The following CABP5 variants were observed in gnomAD, a reference collection of about 807,000 sequenced individuals.
CABP5 encodes calcium binding protein 5.
CABP5 carries 17 observed loss-of-function variants against 21.9 expected under a neutral mutation model. The ratio of observed to expected loss-of-function variants is 0.78; its 90% CI spans 0.53 to 1.17. The LOEUF is 1.17. CABP5 is among the 50% of genes most tolerant of loss of function. The pLI is 0.00. For missense variants in CABP5, 229 were observed against 228.9 expected (o/e 1.00, Z 0.00); for synonymous variants, 85 against 79.4 (o/e 1.07, Z -0.37).
intron 5 of CABP5, among the ~76,000 whole-genome samples, chr19:48,031,933 T>C (rs1352067088): frequency 6.6e-6 from 1 of 150,404 alleles, no homozygotes; most frequent in Non-Finnish European, 1.5e-5. Flanking sequence ...ACAGCATATA[T>C]GGTTTAGAGA....
chr19:48,035,042 C>T (rs1272816914), intron 4 of CABP5, among the ~76,000 whole-genome samples: 1 of 152,060 alleles, frequency 6.6e-6, no homozygotes, highest in East Asian at 1.9e-4. Context: ...TATAGTTATC[C>T]TGCTGTGCAA....
At chr19:48,039,907 G>C in intron 3 of CABP5, among the ~76,000 whole-genome samples, 1 of 151,732 alleles carries the variant, frequency 6.6e-6, no homozygotes, top group East Asian at 1.9e-4. Context: ...TAGAGACGGG[G>C]TGTCACCATG....
In CABP5 at chr19:48,029,798, C is replaced by CAGAGAGAGAGAGAGAT. The variant is rs1555737197; in HGVS notation, c.*758_*759insATCTCTCTCTCTCTCT. Among the ~76,000 whole-genome samples the CAGAGAGAGAGAGAGAT allele has an allele frequency of 1.7e-5, 2 of 120,150 alleles. No homozygotes were observed. Among genetic ancestry groups the CAGAGAGAGAGAGAGAT allele is most frequent in the Non-Finnish European group, 3.4e-5 (2 of 57,974 alleles). The allele number at this position is 120,150 out of a possible 152,430, so 78.8% of individuals were successfully genotyped here. Reference sequence around the variant, plus strand: ...GGGAGGGGAGACAGAGACAGACAGACAGAGAGAGAGAGAGAGAGAGAGAGA... The same window carrying CAGAGAGAGAGAGAGAT: ...GGGAGGGGAGACAGAGACAGACAGACAGAGAGAGAGAGAGATAGAGAGAGAGAGAGAGAGAGAGAGA... On this transcript the variant is annotated 3_prime_UTR_variant, in exon 6 of 6. Coordinates refer to ENST00000293255, the MANE Select transcript of CABP5 (RefSeq NM_019855.5).
Position 48,040,646 on chromosome 19 carries a change from T to C in CABP5, c.197A>G (p.Glu66Gly). Residue 66 changes from glutamate to glycine, a missense_variant, in exon 3 of 6, where the codon GAG becomes GGG. Physicochemically the swap from Glu to Gly is moderately conservative, Grantham distance 98. Transcript: ENST00000293255. The part of the protein sequence containing the change: ...LMRTMGYMPT[E>G]MELIELGQQI... The stretch of plus-strand genomic sequence containing the variant: ...CTGGCCGAGCTCAATCAGTTCCATC[T>C]CCGTGGGCATGTAACCCATCGTCCT... 1 of 1,613,904 alleles carries C rather than the reference T, an allele frequency of 6.2e-7. No individual in the cohort carries two copies. The highest frequency in any genetic ancestry group is 8.5e-7 in the Non-Finnish European group (1 of 1,179,924).
Position 48,034,265 on chromosome 19 carries a change from T to C in CABP5, c.446A>G (p.Glu149Gly). 1 of 1,607,278 alleles carries C rather than the reference T, an allele frequency of 6.2e-7. No individual in the cohort carries two copies. The highest frequency in any genetic ancestry group is 8.5e-7 in the Non-Finnish European group (1 of 1,177,296). Residue 149 changes from glutamate (E) to glycine (G), a missense_variant, in exon 5 of 6, where the codon GAG becomes GGG. Coordinates refer to ENST00000293255, the MANE Select transcript of CABP5 (RefSeq NM_019855.5). The stretch of plus-strand genomic sequence containing the variant: ...ATTAACATCAGCCTCCCGGACAACC[T>C]CAGAGATCTCCCGGGGGGTGAGCCG... ...GERLTPREIS[E>G]VVREADVNGD...
chr19:48,040,555 C>T (rs551256305), intron 3 of CABP5, 50 bp downstream of exon 3: 16 of 1,604,394 alleles, frequency 1.0e-5, no homozygotes, highest in South Asian at 9.9e-5. Context: ...CCCAATTCTG[C>T]CCTGATCCCT....
In CABP5 at chr19:48,040,648, C is replaced by T. The variant is rs1291070209; in HGVS notation, c.195G>A (p.Thr65=). Residue 65 remains threonine (T), a synonymous_variant, in exon 3 of 6, where the codon ACG becomes ACA. Coordinates refer to ENST00000293255, the MANE Select transcript of CABP5 (RefSeq NM_019855.5). Reference sequence around the variant, plus strand: ...GGCCGAGCTCAATCAGTTCCATCTCCGTGGGCATGTAACCCATCGTCCTCA... The same window carrying T: ...GGCCGAGCTCAATCAGTTCCATCTCTGTGGGCATGTAACCCATCGTCCTCA... ...NLMRTMGYMP[T]EMELIELGQQ... is the part of the protein sequence containing the mutation. The T allele has an allele frequency of 3.1e-6, 5 of 1,613,862 alleles. No homozygotes were observed. In the East Asian group the frequency reaches 8.9e-5, roughly 29 times the overall value.
chr19:48,034,414 C>T lies in CABP5; in HGVS notation c.349-52G>A, dbSNP rs183704722. The T allele has an allele frequency of 4.6e-5, 63 of 1,374,716 alleles. No individual in the cohort carries two copies. In the Middle Eastern group the frequency reaches 1.2e-3, roughly 25 times the overall value. 85.2% of individuals were successfully genotyped at this position (1,374,716 alleles called of 1,614,324 possible). A position where few individuals can be genotyped will look rare whatever the true frequency, so the allele number is the denominator to read the frequency against. On this transcript the variant is annotated intron_variant, in intron 4 of 5. Coordinates refer to ENST00000293255, the MANE Select transcript of CABP5 (RefSeq NM_019855.5). ...TCAGCAATGACAATGATGATAGCCA[C>T]GAGATGATGGAGTTTACCTATCGCT...
Position 48,029,516 on chromosome 19 carries a change from A to C in CABP5, c.*1041T>G, listed in dbSNP as rs1307004114. ...TCGATGTCAGGACGTGAGGGACGGA[A>C]CAGACGACCCATCTAACAGAGACAC... On this transcript the variant is annotated 3_prime_UTR_variant, in exon 6 of 6. Coordinates refer to ENST00000293255, the MANE Select transcript of CABP5 (RefSeq NM_019855.5). 6.6e-6 allele frequency among the ~76,000 whole-genome samples: 1 copy of C among 152,074 alleles called. No individual in the cohort carries two copies. The highest frequency in any genetic ancestry group is 2.4e-5 in the African/African-American group (1 of 41,398).
intron 4 of CABP5, among the ~76,000 whole-genome samples, chr19:48,036,405 A>G (rs1410230572): frequency 6.6e-6 from 1 of 152,164 alleles, no homozygotes; most frequent in Admixed American, 6.5e-5. Context: ...GCATTTAAAT[A>G]TATACCACGC....
At position 48,038,583 on chromosome 19, in the gene CABP5, T is replaced by C. The variant is rs147395846; in HGVS notation, c.348+625A>G. ...GGCTCATGCCTGTAATCCCAGCACT[T>C]TGGGAGACCGAGGCAGGTGGATCAC... On this transcript the variant is annotated intron_variant, in intron 4 of 5. Coordinates refer to ENST00000293255, the MANE Select transcript of CABP5 (RefSeq NM_019855.5). Among the ~76,000 whole-genome samples the C allele has an allele frequency of 1.1e-3, 170 of 152,194 alleles. 1 individual carries two copies. The highest frequency in any genetic ancestry group is 3.9e-3 in the African/African-American group (163 of 41,538).
chr19:48,034,196 C>T lies in CABP5; in HGVS notation c.496+19G>A. The T allele has an allele frequency of 1.3e-6, 2 of 1,527,482 alleles. No individual in the cohort carries two copies. The highest frequency in any genetic ancestry group is 1.4e-5 in the African/African-American group (1 of 71,400). The allele number at this position is 1,527,482 out of a possible 1,614,324, so 94.6% of individuals were successfully genotyped here. A position where few individuals can be genotyped will look rare whatever the true frequency, so the allele number is the denominator to read the frequency against. On this transcript the variant is annotated intron_variant, in intron 5 of 5. Transcript: ENST00000293255. ...TGCGGTGGCTGCCCCCGCTCCCCAC[C>T]ACGCCCCGTCAATGTCACCTTCAAA... is the stretch of plus-strand genomic sequence containing the variant.
rs756797217 is a variant in CABP5, at chr19:48,043,901, C to T, written c.22G>A (p.Ala8Thr). Reference protein sequence around the residue: MQFPMGPACIFLRKGIAE... With the variant: MQFPMGPTCIFLRKGIAE... ...ATGCCTTTCCTCAAGAAGATGCAGG[C>T]GGGGCCCATGGGGAACTGCATGGAG... The change falls in exon 1 of 6, where the codon GCC becomes ACC. Residue 8 changes from alanine to threonine, a missense_variant. Physicochemically the swap from Ala to Thr is moderately conservative, Grantham distance 58. Coordinates refer to ENST00000293255, the MANE Select transcript of CABP5 (RefSeq NM_019855.5). The T allele has an allele frequency of 6.0e-6, 9 of 1,499,812 alleles. No homozygotes were observed. The highest frequency in any genetic ancestry group is 5.4e-5 in the Admixed American group (2 of 37,010). 92.9% of individuals were successfully genotyped at this position (1,499,812 alleles called of 1,614,324 possible). A position where few individuals can be genotyped will look rare whatever the true frequency, so the allele number is the denominator to read the frequency against.
At position 48,033,702 on chromosome 19, in the gene CABP5, A is replaced by G. The variant is rs537669181; in HGVS notation, c.496+513T>C. 5.3e-5 allele frequency among the ~76,000 whole-genome samples: 8 copies of G among 152,266 alleles called. No homozygotes were observed. The South Asian group carries it at 1.2e-3, about 24-fold the overall frequency. On this transcript the variant is annotated intron_variant, in intron 5 of 5. Transcript: ENST00000293255. Reference sequence around the variant, plus strand: ...TTAAAAATACAGTGGTGCTTTGTGCATGATTTCTTTTAGTTTTCTCCAAAA... The same window carrying G: ...TTAAAAATACAGTGGTGCTTTGTGCGTGATTTCTTTTAGTTTTCTCCAAAA...
intron 5 of CABP5, among the ~76,000 whole-genome samples, chr19:48,032,743 G>C (rs924554211): frequency 6.6e-6 from 1 of 151,738 alleles, no homozygotes; most frequent in Non-Finnish European, 1.5e-5. Context: ...CAATTCTCCT[G>C]CCTCAGCCCC....
At chr19:48,032,852 A>G (rs1967358143) in intron 5 of CABP5, among the ~76,000 whole-genome samples, 1 of 152,008 alleles carries the variant, frequency 6.6e-6, no homozygotes, top group Non-Finnish European at 1.5e-5. Context: ...CCTGGTCTCG[A>G]ACTCCTGACC....
intron 1 of CABP5, among the ~76,000 whole-genome samples, chr19:48,042,434 A>G (rs1967492723): frequency 6.6e-6 from 1 of 152,064 alleles, no homozygotes; most frequent in Admixed American, 6.5e-5. Context: ...TTACATATAC[A>G]TGGCATGTTA....
intron 1 of CABP5, among the ~76,000 whole-genome samples, chr19:48,043,112 C>G (rs543734907): frequency 2.6e-5 from 4 of 151,730 alleles, no homozygotes; most frequent in Non-Finnish European, 4.4e-5. Context: ...TGGGCTCAAG[C>G]GATCCTCCTG....
chr19:48,042,966 T>A (rs974679175), intron 1 of CABP5, among the ~76,000 whole-genome samples: 7 of 152,232 alleles, frequency 4.6e-5, no homozygotes, highest in South Asian at 2.1e-4. Context: ...AATAAAAAAA[T>A]TTTAAAAAGC....
Sources: gnomAD v4.1 joint callset for allele counts (sites outside exome capture counted in the v4.1 genomes callset) on GRCh38, gnomAD v4.1.1 for gene constraint, MANE v1.5 for transcripts, NCBI Gene and HGNC (gene_info 2026-07-23, HGNC 2026-07-21) for gene names.